Variants in BEND7 observed in about 807,000 individuals in gnomAD.
BEND7 encodes the protein BEN domain-containing protein 7.
BEND7 carries 28 observed loss-of-function variants against 50.9 expected under a neutral mutation model. The observed-to-expected ratio is 0.55, with a 90% CI of 0.41 to 0.75. The LOEUF is 0.75. Among genes scored for constraint, BEND7 ranks in the 30% least tolerant of loss-of-function variants. The probability of loss-of-function intolerance (pLI) is 0.00; values close to 1 mark genes in which losing one functional copy is unlikely to be tolerated. For synonymous variants in BEND7, 170 were observed against 183.9 expected (o/e 0.92, Z 0.61); for missense variants, 477 against 491.3 (o/e 0.97, Z 0.28).
chr10:13,439,818 C>T (rs1835111789), downstream of BEND7, among the ~76,000 whole-genome samples: 1 of 152,258 alleles, frequency 6.6e-6, no homozygotes, highest in Non-Finnish European at 1.5e-5. Flanking sequence ...CGATCAACAC[C>T]TTTCCCTTCA....
Position 13,441,673 on chromosome 10 carries a change from T to C in BEND7, c.*70A>G. ...CCTTCCCTTGGGTAGTAGCTCCTTG[T>C]GGGAGGCAGAGGACGGATTTTAAAA... On this transcript the variant is annotated 3_prime_UTR_variant, in exon 9 of 9. Coordinates refer to ENST00000466271, the MANE Select transcript of BEND7 (RefSeq NM_001369863.1). 15 of 1,609,626 alleles carry C rather than the reference T, an allele frequency of 9.3e-6. No individual in the cohort carries two copies. Among genetic ancestry groups the C allele is most frequent in the African/African-American group, 1.3e-5 (1 of 74,722 alleles).
At chr10:13,473,479 G>C (rs1355018893) in intron 6 of BEND7, among the ~76,000 whole-genome samples, 1 of 150,000 alleles carries the variant, frequency 6.7e-6, no homozygotes, top group Non-Finnish European at 1.5e-5. Context: ...TAGACTCGGG[G>C]TTGATATCTG....
chr10:13,485,836 T>A (rs2076186766), intron 5 of BEND7, among the ~76,000 whole-genome samples: 1 of 152,222 alleles, frequency 6.6e-6, no homozygotes, highest in Non-Finnish European at 1.5e-5. Context: ...CTGCCCCAGG[T>A]GGACATAGCA....
At chr10:13,507,987 G>A (rs2078016254) in intron 2 of BEND7, among the ~76,000 whole-genome samples, 2 of 152,240 alleles carry the variant, frequency 1.3e-5, no homozygotes, top group South Asian at 4.1e-4. Flanking sequence ...GGTTGGCATG[G>A]AGCCATGCTG....
chr10:13,442,967 T>C (rs1024933289), intron 8 of BEND7: 1 of 152,228 alleles, frequency 6.6e-6, no homozygotes, highest in Non-Finnish European at 1.5e-5. Flanking sequence ...GAAAGAGCCA[T>C]TCTCCTTTAT....
At chr10:13,513,259 T>G (rs2078416513) in intron 2 of BEND7, among the ~76,000 whole-genome samples, 1 of 152,184 alleles carries the variant, frequency 6.6e-6, no homozygotes, top group Non-Finnish European at 1.5e-5. Context: ...TTTAGGACGC[T>G]GGCCTAGGCA....
At chr10:13,499,745 G>C (rs1473560255) in intron 3 of BEND7, 33 bp downstream of exon 3, 1 of 1,566,784 alleles carries the variant, frequency 6.4e-7, no homozygotes, top group Admixed American at 1.8e-5. Context: ...AAACCCCCAT[G>C]AGAGCCTTCT....
At chr10:13,503,812 G>C (rs1175640590) in intron 2 of BEND7, among the ~76,000 whole-genome samples, 1 of 152,224 alleles carries the variant, frequency 6.6e-6, no homozygotes, top group Non-Finnish European at 1.5e-5. Flanking sequence ...TGAGAGGTGA[G>C]CTGAGAGTCG....
At chr10:13,491,820 C>T (rs901403176) in intron 5 of BEND7, among the ~76,000 whole-genome samples, 7 of 152,226 alleles carry the variant, frequency 4.6e-5, no homozygotes, top group Admixed American at 2.0e-4. Flanking sequence ...TGCGGGAGTT[C>T]GCAGCAGGAT....
chr10:13,515,217 G>C (rs558792816), intron 2 of BEND7, among the ~76,000 whole-genome samples: 72 of 152,270 alleles, frequency 4.7e-4, no homozygotes, highest in Non-Finnish European at 9.3e-4. Flanking sequence ...AAACATCTCT[G>C]TTTTGGACAC....
intron 7 of BEND7, among the ~76,000 whole-genome samples, chr10:13,447,701 G>T (rs992643059): frequency 1.3e-5 from 2 of 151,814 alleles, no homozygotes; most frequent in African/African-American, 4.8e-5. Context: ...CCGCCACCAC[G>T]CCTGGCTAAT....
chr10:13,491,432 G>C (rs1251494241), intron 5 of BEND7, among the ~76,000 whole-genome samples: 1 of 151,502 alleles, frequency 6.6e-6, no homozygotes, highest in Non-Finnish European at 1.5e-5. Flanking sequence ...CAGGGCCCTA[G>C]TTGCAATAGC....
rs1836575703 is a variant in BEND7, at chr10:13,447,291, C to T, written c.1209G>A (p.Leu403=). 1 of 1,613,998 alleles carries T rather than the reference C, an allele frequency of 6.2e-7. No homozygotes were observed. Among genetic ancestry groups the T allele is most frequent in the Non-Finnish European group, 8.5e-7 (1 of 1,180,026 alleles). The change falls in exon 8 of 9, where the codon CTG becomes CTA. Residue 403 remains leucine (L), a synonymous_variant. Transcript: ENST00000466271. ...GSEIADSDER[L]DGIALPPTVV ...CTGTTGGTGGTAGAGCAATGCCGTC[C>T]AGTCTTTCATCACTGTCCGCGATCT...
intron 5 of BEND7, among the ~76,000 whole-genome samples, chr10:13,488,006 T>C (rs977928603): frequency 2.7e-5 from 4 of 150,644 alleles, no homozygotes; most frequent in Non-Finnish European, 5.9e-5. Context: ...GGCAGGAGAA[T>C]TGCTTGAACC....
intron 5 of BEND7, among the ~76,000 whole-genome samples, chr10:13,490,163 T>C (rs1433633890): frequency 1.3e-5 from 2 of 152,226 alleles, no homozygotes; most frequent in Non-Finnish European, 2.9e-5. Context: ...TACATTGGCA[T>C]TTGGGTGACA....
chr10:13,461,546 A>G (rs908792732), intron 6 of BEND7, among the ~76,000 whole-genome samples: 2 of 152,230 alleles, frequency 1.3e-5, no homozygotes, highest in Admixed American at 1.3e-4. Context: ...CATCCTGGCC[A>G]ACATGGCCAA....
chr10:13,515,780 G>GT (rs1273026008), intron 2 of BEND7, among the ~76,000 whole-genome samples: 1 of 152,164 alleles, frequency 6.6e-6, no homozygotes, highest in African/African-American at 2.4e-5. Context: ...CAATGGAATA[G>GT]TTTTTTTCCT....
rs552014266 is a variant in BEND7 at position 13,491,300 on chromosome 10, G to A, written c.837+1311C>T. ...TACACTCTAGCCTGGGCGACACAGC[G>A]AGACTCTGTCTAAAAAAAAAAAAAA... On this transcript the variant is annotated intron_variant, in intron 5 of 8. Transcript: ENST00000466271. Among the ~76,000 whole-genome samples, 9 of 141,952 alleles carry A rather than the reference G, an allele frequency of 6.3e-5. No homozygotes were observed. In the South Asian group the frequency reaches 9.0e-4, roughly 14 times the overall value. The allele number at this position is 141,952 out of a possible 152,430, so 93.1% of individuals were successfully genotyped here.
At chr10:13,469,357 G>A (rs1047261530) in intron 6 of BEND7, among the ~76,000 whole-genome samples, 1 of 69,452 alleles carries the variant, frequency 1.4e-5, no homozygotes, top group Non-Finnish European at 2.6e-5. Context: ...AAAAAGGAAC[G>A]CCTCTCTCAT....
Sources: gnomAD v4.1 joint callset for allele counts (sites outside exome capture counted in the v4.1 genomes callset) on GRCh38, gnomAD v4.1.1 for gene constraint, MANE v1.5 for transcripts, NCBI Gene and HGNC (gene_info 2026-07-23, HGNC 2026-07-21) for gene names.